The following FSTL5 variants were observed in gnomAD, a reference collection of about 807,000 sequenced individuals.
FSTL5 encodes follistatin-related protein 5.
FSTL5 carries 62 observed loss-of-function variants against 89.1 expected under a neutral mutation model. The ratio of observed to expected loss-of-function variants is 0.70; its 90% CI spans 0.57 to 0.86. FSTL5 has a LOEUF of 0.86. FSTL5 is among the 40% of genes least tolerant of loss of function. The pLI is 0.00. For missense variants in FSTL5, 1,057 were observed against 1,001.6 expected, an observed-to-expected ratio of 1.06 and a Z score of -0.75; for synonymous variants, 383 against 346.2, an observed-to-expected ratio of 1.11 and a Z score of -1.18.
intron 13 of FSTL5, among the ~76,000 whole-genome samples, chr4:161,479,136 T>C (rs962134440): frequency 1.3e-5 from 2 of 152,080 alleles, no homozygotes; most frequent in Admixed American, 6.6e-5. Context: ...TAAAAATGTG[T>C]TTAGATACTA....
intron 4 of FSTL5, among the ~76,000 whole-genome samples, chr4:161,911,655 T>G (rs1043085510): frequency 1.3e-5 from 2 of 152,206 alleles, no homozygotes; most frequent in African/African-American, 4.8e-5. Context: ...AATAGATGAA[T>G]GCTTTATCGA....
chr4:162,070,408 C>G (rs1378935068), intron 2 of FSTL5, among the ~76,000 whole-genome samples: 1 of 151,760 alleles, frequency 6.6e-6, no homozygotes, highest in African/African-American at 2.4e-5. Context: ...TGAAGTCTTA[C>G]TCATAAAATC....
At chr4:162,161,962 T>A (rs973070119) in intron 1 of FSTL5, among the ~76,000 whole-genome samples, 19 of 152,186 alleles carry the variant, frequency 1.2e-4, no homozygotes, top group African/African-American at 4.6e-4. Context: ...TTATATATTC[T>A]TTTTTGCCCC....
intron 1 of FSTL5, among the ~76,000 whole-genome samples, chr4:162,151,377 GTCTGTTTAACAGTT>G (rs1733218885): frequency 6.6e-6 from 1 of 152,024 alleles, no homozygotes; most frequent in Non-Finnish European, 1.5e-5. Flanking sequence ...AAACATTACT[GTCTGTTTAACAGTT>G]TCTGAAGACT....
At chr4:161,634,775 A>G (rs552253868) in intron 7 of FSTL5, among the ~76,000 whole-genome samples, 1 of 152,272 alleles carries the variant, frequency 6.6e-6, no homozygotes, top group South Asian at 2.1e-4. Context: ...AAAGGGTACG[A>G]AGTTTCTATT....
intron 7 of FSTL5, among the ~76,000 whole-genome samples, chr4:161,608,164 C>T (rs1258027982): frequency 2.0e-5 from 3 of 152,100 alleles, no homozygotes; most frequent in Admixed American, 1.3e-4. Flanking sequence ...AATTAAATGA[C>T]ATTTTGGAAA....
intron 13 of FSTL5, among the ~76,000 whole-genome samples, chr4:161,480,318 C>A (rs1356341768): frequency 2.0e-5 from 3 of 152,118 alleles, no homozygotes; most frequent in East Asian, 3.8e-4. Context: ...AACTTAATTT[C>A]CTCTGAGCTG....
intron 4 of FSTL5, among the ~76,000 whole-genome samples, chr4:161,863,393 T>C (rs912545691): frequency 6.6e-6 from 1 of 152,128 alleles, no homozygotes; most frequent in Non-Finnish European, 1.5e-5. Flanking sequence ...GGAGGGTGAA[T>C]GCTTTTATTC....
At chr4:161,581,221 G>C (rs1560964370) in intron 8 of FSTL5, among the ~76,000 whole-genome samples, 1 of 152,180 alleles carries the variant, frequency 6.6e-6, no homozygotes, top group Non-Finnish European at 1.5e-5. Context: ...GCCCTACTTA[G>C]AGCTTCTGAT....
At position 162,163,313 on chromosome 4, in the gene FSTL5, A is replaced by G. The variant is rs529246287; in HGVS notation, c.-17+302T>C. Among the ~76,000 whole-genome samples the G allele has an allele frequency of 7.9e-5, 12 of 152,000 alleles. No homozygotes were observed. The South Asian group carries it at 1.0e-3, about 13-fold the overall frequency. ...TTCCTATCCTTTGAACCCTGCTGAA[A>G]GTATTGCTCTAAAATATTTATATTT... On this transcript the variant is annotated intron_variant, in intron 1 of 15. Coordinates refer to ENST00000306100, the MANE Select transcript of FSTL5 (RefSeq NM_020116.5).
chr4:162,069,117 A>G (rs933978712), intron 2 of FSTL5, among the ~76,000 whole-genome samples: 4 of 152,100 alleles, frequency 2.6e-5, no homozygotes, highest in African/African-American at 9.6e-5. Context: ...TAGTTTAACC[A>G]TTGTGGAAGA....
At chr4:161,677,261 CAGAAAGAGAGCCCGAG>C (rs1212973388) in intron 6 of FSTL5, among the ~76,000 whole-genome samples, 18 of 151,116 alleles carry the variant, frequency 1.2e-4, no homozygotes, top group African/African-American at 4.1e-4. Flanking sequence ...TACAATGAGA[CAGAAAGAGAGCCCGAG>C]AGAGAGAGAG....
intron 4 of FSTL5, among the ~76,000 whole-genome samples, chr4:161,802,202 T>C (rs1729819775): frequency 6.6e-6 from 1 of 151,726 alleles, no homozygotes; most frequent in Non-Finnish European, 1.5e-5. Flanking sequence ...CAGTTATGTC[T>C]AAAATAGGTG....
intron 7 of FSTL5, among the ~76,000 whole-genome samples, chr4:161,606,483 G>C (rs1034689874): frequency 6.6e-6 from 1 of 151,948 alleles, no homozygotes; most frequent in Admixed American, 6.6e-5. Flanking sequence ...GCCCGCCTCA[G>C]CCTCCCAAAG....
At chr4:161,797,660 C>T (rs1395120022) in intron 4 of FSTL5, among the ~76,000 whole-genome samples, 1 of 151,448 alleles carries the variant, frequency 6.6e-6, no homozygotes, top group Non-Finnish European at 1.5e-5. Context: ...AAGGTGGATT[C>T]TGTAGGCTAT....
At chr4:161,828,553 A>G (rs1730739820) in intron 4 of FSTL5, among the ~76,000 whole-genome samples, 1 of 152,136 alleles carries the variant, frequency 6.6e-6, no homozygotes, top group Non-Finnish European at 1.5e-5. Context: ...TTAAAGTGTT[A>G]TACTTGGGAA....
At chr4:161,768,572 G>A (rs1741097446) in intron 5 of FSTL5, among the ~76,000 whole-genome samples, 1 of 151,882 alleles carries the variant, frequency 6.6e-6, no homozygotes, top group Non-Finnish European at 1.5e-5. Flanking sequence ...AATCTAAACT[G>A]TATTTCAATG....
chr4:161,611,204 A>G (rs1294671064), intron 7 of FSTL5, among the ~76,000 whole-genome samples: 1 of 140,232 alleles, frequency 7.1e-6, no homozygotes, highest in Non-Finnish European at 1.5e-5. Context: ...ATGTGTATAT[A>G]TATGTGTATA....
At chr4:161,404,924 C>T (rs1731313573) in intron 15 of FSTL5, among the ~76,000 whole-genome samples, 1 of 151,992 alleles carries the variant, frequency 6.6e-6, no homozygotes, top group Non-Finnish European at 1.5e-5. Context: ...CAAAAACTGA[C>T]TCAGCTGTTT....
Sources: allele counts gnomAD v4.1 joint callset (sites outside exome capture counted in the v4.1 genomes callset), GRCh38; gene constraint gnomAD v4.1.1; transcripts MANE v1.5; gene names NCBI Gene and HGNC (gene_info 2026-07-23, HGNC 2026-07-21).